PIGK: variants seen among roughly 807,000 people sequenced by gnomAD.
PIGK encodes phosphatidylinositol glycan anchor biosynthesis class K.
In PIGK, 42 loss-of-function variants were observed where a neutral mutation model predicts 50.6. That is an observed-to-expected ratio of 0.83 (90% CI 0.65 to 1.07). The LOEUF (loss-of-function observed/expected upper bound fraction) is 1.07. PIGK is among the 50% of genes least tolerant of loss of function. The pLI, the probability that PIGK is intolerant of heterozygous loss-of-function variation, is 0.00. For missense variants in PIGK, 448 were observed against 488.7 expected (o/e 0.92, Z 0.78); for synonymous variants, 151 against 156.0 (o/e 0.97, Z 0.24).
chr1:77,210,448 G>T lies in PIGK; in HGVS notation c.135C>A (p.Asn45Lys). The T allele has an allele frequency of 1.9e-6, 3 of 1,594,386 alleles. No homozygotes were observed. Among genetic ancestry groups the T allele is most frequent in the Non-Finnish European group, 2.6e-6 (3 of 1,167,268 alleles). Residue 45 changes from asparagine (N) to lysine (K), a missense_variant, in exon 2 of 11, where the codon AAC (asparagine) becomes AAA (lysine). Physicochemically the swap from Asn to Lys is moderately conservative, Grantham distance 94 (BLOSUM62 0). Coordinates refer to ENST00000370812, the MANE Select transcript of PIGK (RefSeq NM_005482.3). ...ACAGTATACTTACCAGAACAGCCCA[G>T]TTGTTTGTATGGCCACTTCTAAAGA... ...EQFFRSGHTN[N>K]WAVLVCTSRF...
rs1447597037 is a variant in PIGK at position 77,210,448 on chromosome 1, G to A, written c.135C>T (p.Asn45=). The change falls in exon 2 of 11, where the codon AAC becomes AAT. Residue 45 remains asparagine (N), a synonymous_variant. Coordinates refer to ENST00000370812, the MANE Select transcript of PIGK (RefSeq NM_005482.3). ...ACAGTATACTTACCAGAACAGCCCAGTTGTTTGTATGGCCACTTCTAAAGA... is the reference window on the plus strand; with the variant it reads ...ACAGTATACTTACCAGAACAGCCCAATTGTTTGTATGGCCACTTCTAAAGA... ...EQFFRSGHTN[N]WAVLVCTSRF... is the part of the protein sequence containing the mutation. The A allele has an allele frequency of 1.3e-6, 2 of 1,594,386 alleles. No individual in the cohort carries two copies. The highest frequency in any genetic ancestry group is 1.7e-6 in the Non-Finnish European group (2 of 1,167,268).
chr1:77,103,617 T>C (rs1404244482), intron 10 of PIGK, among the ~76,000 whole-genome samples: 1 of 152,216 alleles, frequency 6.6e-6, no homozygotes. Flanking sequence ...TCATTGCCTG[T>C]AGGCAGTTTC....
intron 10 of PIGK, among the ~76,000 whole-genome samples, chr1:77,115,320 C>A (rs760284174): frequency 6.6e-6 from 1 of 151,998 alleles, no homozygotes; most frequent in African/African-American, 2.4e-5. Flanking sequence ...GCTAATTATA[C>A]AAATAAAATG....
intron 3 of PIGK, among the ~76,000 whole-genome samples, chr1:77,193,349 G>A (rs998444922): frequency 2.0e-5 from 3 of 151,798 alleles, no homozygotes; most frequent in Non-Finnish European, 2.9e-5. Flanking sequence ...TACAATGGCT[G>A]AGCAGAATAT....
chr1:77,130,604 A>G (rs1654352058), intron 9 of PIGK, among the ~76,000 whole-genome samples: 4 of 152,140 alleles, frequency 2.6e-5, no homozygotes, highest in Admixed American at 2.6e-4. Flanking sequence ...CTGAATCATC[A>G]CAACTTTAAA....
chr1:77,168,608 A>C (rs1187923878), intron 4 of PIGK, among the ~76,000 whole-genome samples: 1 of 148,076 alleles, frequency 6.8e-6, no homozygotes, highest in Non-Finnish European at 1.5e-5. Context: ...CTTACAGTCT[A>C]GGAGGAGATA....
intron 3 of PIGK, among the ~76,000 whole-genome samples, chr1:77,171,188 G>A (rs996774738): frequency 6.6e-6 from 1 of 151,988 alleles, no homozygotes; most frequent in African/African-American, 2.4e-5. Context: ...TGTAATCCCA[G>A]CACTTTGGGA....
At chr1:77,147,189 A>T (rs1186419699) in intron 9 of PIGK, among the ~76,000 whole-genome samples, 18 of 152,162 alleles carry the variant, frequency 1.2e-4, no homozygotes. Flanking sequence ...CCCCTTATAA[A>T]GCCATCAGAT....
chr1:77,116,525 A>C (rs1175909840), intron 10 of PIGK, among the ~76,000 whole-genome samples: 1 of 151,490 alleles, frequency 6.6e-6, no homozygotes, highest in African/African-American at 2.4e-5. Flanking sequence ...GCAAGCATCT[A>C]CCAAAAGGTT....
At position 77,169,362 on chromosome 1, in the gene PIGK, G is replaced by A; in HGVS notation, c.273C>T (p.Ala91=). 1 of 1,605,696 alleles carries A rather than the reference G, an allele frequency of 6.2e-7. No homozygotes were observed. The highest frequency in any genetic ancestry group is 8.5e-7 in the Non-Finnish European group (1 of 1,175,934). The change falls in exon 4 of 11, where the codon GCC becomes GCT. Residue 91 remains alanine (A), a synonymous_variant. Transcript: ENST00000370812. ...CTGGTTTGGGATTTCTAGGATTACA[G>A]GCCATATCATCTGCAAGCATTAGGA... The part of the protein sequence containing the change: ...HIVLMLADDM[A]CNPRNPKPAT...
intron 1 of PIGK, among the ~76,000 whole-genome samples, chr1:77,215,917 A>C (rs1287764751): frequency 2.0e-5 from 3 of 152,156 alleles, no homozygotes; most frequent in Non-Finnish European, 4.4e-5. Flanking sequence ...ATAGAGTAGA[A>C]TAGAGGCTGG....
At chr1:77,168,025 A>G (rs969200149) in intron 4 of PIGK, among the ~76,000 whole-genome samples, 5 of 152,166 alleles carry the variant, frequency 3.3e-5, no homozygotes, top group Non-Finnish European at 5.9e-5. Context: ...AAAAAGAAAA[A>G]AAAAAAGTTC....
chr1:77,095,685 G>A (rs959979867), intron 10 of PIGK, among the ~76,000 whole-genome samples: 3 of 152,066 alleles, frequency 2.0e-5, no homozygotes, highest in Non-Finnish European at 2.9e-5. Flanking sequence ...AGTAGTACAC[G>A]TTTTAAAAAT....
chr1:77,134,908 A>C (rs1234685476), intron 9 of PIGK, among the ~76,000 whole-genome samples: 1 of 152,082 alleles, frequency 6.6e-6, no homozygotes, highest in Non-Finnish European at 1.5e-5. Flanking sequence ...GAGTGTTTTC[A>C]AATTCCCAAA....
At chr1:77,177,406 G>A (rs866900414) in intron 3 of PIGK, among the ~76,000 whole-genome samples, 83 of 152,328 alleles carry the variant, frequency 5.4e-4, no homozygotes, top group African/African-American at 1.8e-3. Flanking sequence ...CCGCTTAAAG[G>A]CGTTCTTAAA....
chr1:77,216,421 C>T (rs898719128), intron 1 of PIGK, among the ~76,000 whole-genome samples: 1 of 152,072 alleles, frequency 6.6e-6, no homozygotes, highest in Admixed American at 6.6e-5. Flanking sequence ...TTAATTCTTA[C>T]GTTAACTACC....
intron 10 of PIGK, among the ~76,000 whole-genome samples, chr1:77,098,023 C>T (rs1459603479): frequency 3.3e-5 from 5 of 151,696 alleles, no homozygotes; most frequent in Admixed American, 1.3e-4. Flanking sequence ...TGTAGAAAGA[C>T]GAATAAAACA....
intron 3 of PIGK, among the ~76,000 whole-genome samples, chr1:77,198,186 C>T (rs930212727): frequency 1.3e-5 from 2 of 151,962 alleles, no homozygotes; most frequent in Non-Finnish European, 2.9e-5. Context: ...CAATGAATTG[C>T]TTTCATTTAT....
intron 3 of PIGK, among the ~76,000 whole-genome samples, chr1:77,177,733 C>T (rs1187252490): frequency 1.3e-5 from 2 of 152,102 alleles, no homozygotes; most frequent in Non-Finnish European, 2.9e-5. Flanking sequence ...GAGCTGGTCT[C>T]GGCACCCTTC....
Sources: gnomAD v4.1 joint callset for allele counts (sites outside exome capture counted in the v4.1 genomes callset) on GRCh38, gnomAD v4.1.1 for gene constraint, MANE v1.5 for transcripts, NCBI Gene and HGNC (gene_info 2026-07-23, HGNC 2026-07-21) for gene names.